The following NEB variants were observed in gnomAD, a reference collection of about 807,000 sequenced individuals.
The protein encoded by NEB is nemaline myopathy type 2.
NEB carries 512 observed loss-of-function variants against 952.2 expected under a neutral mutation model. The observed-to-expected ratio is 0.54, with a 90% confidence interval of 0.50 to 0.58. The LOEUF (loss-of-function observed/expected upper bound fraction) is 0.58. Ranked by LOEUF, NEB falls within the 20% of genes least tolerant of loss-of-function variation. The probability of loss-of-function intolerance (pLI) is 0.00; values close to 1 mark genes in which losing one functional copy is unlikely to be tolerated. For missense variants in NEB, 8,428 were observed against 9,231.1 expected, an observed-to-expected ratio of 0.91 and a Z score of 3.56; for synonymous variants, 2,900 against 3,149.8, an observed-to-expected ratio of 0.92 and a Z score of 2.66.
intron 29 of NEB, among the ~76,000 whole-genome samples, 190 bp downstream of exon 29, chr2:151,682,472 G>A (rs1294662194): frequency 6.6e-6 from 1 of 152,170 alleles, no homozygotes; most frequent in Non-Finnish European, 1.5e-5. Context: ...TGTAAGGAAT[G>A]GTTAACATAA....
rs1433422679 is a variant in NEB, at chr2:151,678,048, T to C, written c.3395A>G (p.Lys1132Arg). ...SDREYKKDYE[K>R]TKSKYNTPHD... is the part of the protein sequence containing the mutation. ...GGGCGTGTTGTATTTGGACTTTGTCTTCTCATAGTCTTTTTTATACTCCCG... is the reference window on the plus strand; with the variant it reads ...GGGCGTGTTGTATTTGGACTTTGTCCTCTCATAGTCTTTTTTATACTCCCG... Residue 1132 changes from lysine (K) to arginine (R), a missense_variant, in exon 33 of 182, where the codon AAG becomes AGG. Coordinates refer to ENST00000397345, the MANE Select transcript of NEB (RefSeq NM_001164508.2). 1 of 1,614,006 alleles carries C rather than the reference T, an allele frequency of 6.2e-7. No homozygotes were observed.
At chr2:151,704,992 C>A (rs1156918461) in intron 13 of NEB, among the ~76,000 whole-genome samples, 1 of 152,184 alleles carries the variant, frequency 6.6e-6, no homozygotes, top group Non-Finnish European at 1.5e-5. Context: ...TCTCTTAGCT[C>A]ACATACTCTT....
chr2:151,620,421 T>C (rs1028017625), intron 72 of NEB, among the ~76,000 whole-genome samples: 2 of 139,828 alleles, frequency 1.4e-5, no homozygotes, highest in African/African-American at 5.3e-5. Context: ...TTTAAAAACC[T>C]ATAAAAATGA....
intron 63 of NEB, among the ~76,000 whole-genome samples, chr2:151,636,632 T>A (rs2098768174): frequency 6.6e-6 from 1 of 151,836 alleles, no homozygotes; most frequent in Admixed American, 6.6e-5. Flanking sequence ...ATAAAAAAAA[T>A]TAGCTGGGTG....
At chr2:151,683,859 G>A (rs574565073) in intron 28 of NEB, among the ~76,000 whole-genome samples, 6 of 152,198 alleles carry the variant, frequency 3.9e-5, no homozygotes, top group East Asian at 1.9e-4. Flanking sequence ...ATGGCATATC[G>A]ATACAATAGA....
chr2:151,499,346 G>A lies in NEB; in HGVS notation c.24066C>T (p.Ile8022=). 6.5e-7 allele frequency: 1 copy of A among 1,546,532 alleles called. No individual in the cohort carries two copies. The highest frequency in any genetic ancestry group is 8.7e-7 in the Non-Finnish European group (1 of 1,143,664). The change falls in exon 169 of 182, where the codon ATC becomes ATT. Residue 8022 remains isoleucine (I), a synonymous_variant. Transcript: ENST00000397345. ...ENVGKGIPIP[I]TPEMERVKHN... is the part of the protein sequence containing the mutation. ...GTTTGACTCTCTCCATCTCTGGAGT[G>A]ATGGGGATTGGAATCCCTTTTCCAA...
At position 151,497,039 on chromosome 2, in the gene NEB, C is replaced by T. The variant is rs1276441858; in HGVS notation, c.24301-6G>A. ...ATGTTTTCTTTGTATAACACCTGTG[C>T]GATAAGAAAGCAACCAGAAAAACAA... On this transcript the variant is annotated splice_region_variant and splice_polypyrimidine_tract_variant and intron_variant, in intron 171 of 181. Coordinates refer to ENST00000397345, the MANE Select transcript of NEB (RefSeq NM_001164508.2). The T allele has an allele frequency of 1.4e-5, 22 of 1,562,634 alleles. No individual in the cohort carries two copies. The highest frequency in any genetic ancestry group is 2.4e-5 in the South Asian group (2 of 84,792).
chr2:151,647,778 G>A (rs2098979316), intron 54 of NEB, among the ~76,000 whole-genome samples: 1 of 152,168 alleles, frequency 6.6e-6, no homozygotes, highest in Non-Finnish European at 1.5e-5. Flanking sequence ...GAGTAAAGGA[G>A]ACTAAAGACA....
intron 9 of NEB, among the ~76,000 whole-genome samples, chr2:151,719,574 G>A (rs1343859524): frequency 6.6e-6 from 1 of 152,120 alleles, no homozygotes; most frequent in Non-Finnish European, 1.5e-5. Flanking sequence ...CCACAAACAA[G>A]CCTGGCTTAA....
Position 151,650,725 on chromosome 2 carries a change from C to G in NEB, c.7076G>C (p.Ser2359Thr), listed in dbSNP as rs757321879. The change falls in exon 53 of 182, where the codon AGC (serine) becomes ACC (threonine). Residue 2359 changes from serine to threonine, a missense_variant. By Grantham distance (58) the Ser-to-Thr change is moderately conservative. Coordinates refer to ENST00000397345, the MANE Select transcript of NEB (RefSeq NM_001164508.2). ...DFEKWKTKFS[S>T]PVDMLGVVLA... ...TACCACTCCCAACATGTCCACTGGG[C>G]TGGAGAACTTAGTTTTCCACTTCTC... The G allele has an allele frequency of 9.3e-6, 15 of 1,613,858 alleles. No homozygotes were observed. Among genetic ancestry groups the G allele is most frequent in the African/African-American group, 1.3e-5 (1 of 74,932 alleles).
chr2:151,510,084 A>C (rs967666810), intron 161 of NEB, among the ~76,000 whole-genome samples: 6 of 152,214 alleles, frequency 3.9e-5, no homozygotes, highest in African/African-American at 7.2e-5. Context: ...CTAAGGTCTG[A>C]GTTCTGAAGA....
rs1245733436 is a variant in NEB, at chr2:151,502,893, A to C, written c.23836-8T>G. On this transcript the variant is annotated splice_polypyrimidine_tract_variant and splice_region_variant and intron_variant, in intron 166 of 181. Transcript: ENST00000397345. ...ATTTTCTTTGTACAAAACCTGTGAG[A>C]TACAAGAAAGTACCCAGAGGACATT... 1.3e-6 allele frequency: 2 copies of C among 1,538,452 alleles called. No homozygotes were observed. Among genetic ancestry groups the C allele is most frequent in the Admixed American group, 1.7e-5 (1 of 57,852 alleles).
rs760021502 is a variant in NEB at position 151,617,486 on chromosome 2, A to AG, written c.11077-19_11077-18insC. 1,895 of 1,370,446 alleles carry AG rather than the reference A, an allele frequency of 1.4e-3. No individual in the cohort carries two copies. The highest frequency in any genetic ancestry group is 1.6e-3 in the Non-Finnish European group (1,653 of 1,014,664). 84.9% of individuals were successfully genotyped at this position (1,370,446 alleles called of 1,614,324 possible). On this transcript the variant is annotated intron_variant, in intron 74 of 181. Coordinates refer to ENST00000397345, the MANE Select transcript of NEB (RefSeq NM_001164508.2). ...TATAAGCGCTACAAAAAAAAAAAAA[A>AG]AAGAGAGAGAGAGAGAGAAAAATTA... is the stretch of plus-strand genomic sequence containing the variant.
At chr2:151,704,842 G>T (rs2099698346) in intron 13 of NEB, among the ~76,000 whole-genome samples, 1 of 152,144 alleles carries the variant, frequency 6.6e-6, no homozygotes, top group Non-Finnish European at 1.5e-5. Context: ...CTCACGCTGG[G>T]AGCTGTAGAC....
At chr2:151,518,693 T>A (rs1167132879) in intron 155 of NEB, among the ~76,000 whole-genome samples, 1 of 152,202 alleles carries the variant, frequency 6.6e-6, no homozygotes, top group African/African-American at 2.4e-5. Context: ...CCAGAGGGTA[T>A]TTCTATGTCC....
intron 9 of NEB, among the ~76,000 whole-genome samples, chr2:151,719,595 A>G (rs560054416): frequency 9.8e-5 from 15 of 152,318 alleles, no homozygotes; most frequent in African/African-American, 3.4e-4. Flanking sequence ...TTTCTTTTAA[A>G]TAAGTTAAGC....
rs552601131 is a variant in NEB at position 151,574,167 on chromosome 2, G to A, written c.17013+1528C>T. On this transcript the variant is annotated intron_variant, in intron 107 of 181. Transcript: ENST00000397345. ...TTTTTTGTATTTTTAGTAGAGACAG[G>A]GTTTCACCGTGTTAGGCAGGATGGT... is the stretch of plus-strand genomic sequence containing the variant. Among the ~76,000 whole-genome samples the A allele has an allele frequency of 1.4e-4, 21 of 152,262 alleles. No individual in the cohort carries two copies. In the South Asian group the frequency reaches 3.9e-3, roughly 29 times the overall value.
At chr2:151,494,638 TTTTTG>T (rs967541991) in intron 173 of NEB, among the ~76,000 whole-genome samples, 10 of 152,220 alleles carry the variant, frequency 6.6e-5, no homozygotes, top group Non-Finnish European at 1.5e-4. Context: ...TGTTTGTTTT[TTTTTG>T]TTTTGTTTTG....
intron 11 of NEB, among the ~76,000 whole-genome samples, 185 bp downstream of exon 11, chr2:151,710,249 T>C (rs2099740724): frequency 6.6e-6 from 1 of 152,192 alleles, no homozygotes; most frequent in Non-Finnish European, 1.5e-5. Context: ...CAAAATAATA[T>C]TTCTCAAAAG....
Sources: allele counts gnomAD v4.1 joint callset (sites outside exome capture counted in the v4.1 genomes callset), GRCh38; gene constraint gnomAD v4.1.1; transcripts MANE v1.5; gene names NCBI Gene and HGNC (gene_info 2026-07-23, HGNC 2026-07-21).